Variants in TTC29 observed in about 807,000 individuals in gnomAD.
The protein encoded by TTC29 is tetratricopeptide repeat domain 29.
Under a neutral mutation model 58.1 loss-of-function variants are expected in TTC29, and 49 were observed. That is an observed-to-expected ratio of 0.84 (90% confidence interval 0.67 to 1.07). TTC29 has a LOEUF of 1.07. Among genes scored for constraint, TTC29 ranks in the 50% least tolerant of loss-of-function variants. The probability of loss-of-function intolerance (pLI) is 0.00; values close to 1 mark genes in which losing one functional copy is unlikely to be tolerated. For missense variants in TTC29, 582 were observed against 555.6 expected (o/e 1.05, Z -0.48); for synonymous variants, 209 against 196.8 (o/e 1.06, Z -0.52).
intron 9 of TTC29, among the ~76,000 whole-genome samples, 159 bp from the exon 10 acceptor site, chr4:146,820,407 T>C (rs1372286775): frequency 2.0e-5 from 3 of 152,194 alleles, no homozygotes; most frequent in Admixed American, 6.5e-5. Context: ...GGCTTGTTTT[T>C]CTTGGAGCAC....
rs1411134190 is a variant in TTC29 at position 146,820,209 on chromosome 4, T to C, written c.1017A>G (p.Lys339=). 1.2e-6 allele frequency: 2 copies of C among 1,612,814 alleles called. No individual in the cohort carries two copies. The highest frequency in any genetic ancestry group is 2.7e-5 in the African/African-American group (2 of 74,918). ...AATTGTTTCTTGCAATTTTCACAAA[T>C]TTTTTCAAGTATTTAATTGCTTCTG... ...EMTEAIKYLK[K]FVKIARNNFQ... Residue 339 remains lysine (K), a synonymous_variant, in exon 10 of 13, where the codon AAA becomes AAG. Transcript: ENST00000325106.
intron 11 of TTC29, among the ~76,000 whole-genome samples, chr4:146,750,456 G>T (rs1487104181): frequency 6.6e-6 from 1 of 152,118 alleles, no homozygotes; most frequent in African/African-American, 2.4e-5. Flanking sequence ...TGTAATGGTG[G>T]TATGTTAATC....
chr4:146,733,646 T>G (rs1239889833), intron 11 of TTC29, among the ~76,000 whole-genome samples: 1 of 152,176 alleles, frequency 6.6e-6, no homozygotes, highest in Non-Finnish European at 1.5e-5. Flanking sequence ...GCTTTCATCT[T>G]AAGGATGACA....
intron 11 of TTC29, among the ~76,000 whole-genome samples, chr4:146,778,224 C>CTTTA (rs962526132): frequency 6.6e-6 from 1 of 151,914 alleles, no homozygotes; most frequent in Non-Finnish European, 1.5e-5. Flanking sequence ...AATTCATATA[C>CTTTA]TTTATTTATT....
At chr4:146,908,887 A>G in intron 5 of TTC29, 139 bp downstream of exon 5, 1 of 731,070 alleles carries the variant, frequency 1.4e-6, no homozygotes, top group Non-Finnish European at 2.2e-6. Context: ...TAATTCCATA[A>G]AGACGTTTAA....
intron 10 of TTC29, among the ~76,000 whole-genome samples, chr4:146,813,795 C>T (rs1335781718): frequency 6.6e-6 from 1 of 152,102 alleles, no homozygotes; most frequent in Non-Finnish European, 1.5e-5. Context: ...ACGAACCTGG[C>T]CAACATGGTG....
intron 5 of TTC29, among the ~76,000 whole-genome samples, chr4:146,905,722 G>A (rs918380060): frequency 1.3e-5 from 2 of 152,042 alleles, no homozygotes; most frequent in East Asian, 1.9e-4. Context: ...TTAAAAAGAA[G>A]ATTCTACAAT....
intron 11 of TTC29, among the ~76,000 whole-genome samples, chr4:146,768,327 CTAAAT>C (rs1321256962): frequency 6.6e-6 from 1 of 151,870 alleles, no homozygotes; most frequent in Non-Finnish European, 1.5e-5. Flanking sequence ...TCCCCATCAG[CTAAAT>C]TAACTCCAAC....
chr4:146,720,225 T>C (rs1743258960), intron 11 of TTC29, among the ~76,000 whole-genome samples: 1 of 152,130 alleles, frequency 6.6e-6, no homozygotes, highest in African/African-American at 2.4e-5. Flanking sequence ...TTAGTAAGAC[T>C]CTAAGATGTA....
chr4:146,903,233 C>T (rs1733273588), intron 6 of TTC29, among the ~76,000 whole-genome samples: 1 of 151,554 alleles, frequency 6.6e-6, no homozygotes, highest in African/African-American at 2.4e-5. Context: ...AAAAGTATAC[C>T]TTTCATTCTT....
intron 10 of TTC29, among the ~76,000 whole-genome samples, chr4:146,816,923 C>A (rs1382620389): frequency 6.6e-6 from 1 of 152,026 alleles, no homozygotes; most frequent in Non-Finnish European, 1.5e-5. Context: ...GGTTTGAATA[C>A]CATTGCCACC....
At chr4:146,942,819 G>C in intron 2 of TTC29, 1 of 478,332 alleles carries the variant, frequency 2.1e-6, no homozygotes, top group East Asian at 3.1e-5. Flanking sequence ...GGGCACTGGG[G>C]CCAGGGTAAT....
At chr4:146,870,310 T>C (rs1382659623) in intron 7 of TTC29, among the ~76,000 whole-genome samples, 1 of 151,964 alleles carries the variant, frequency 6.6e-6, no homozygotes, top group African/African-American at 2.4e-5. Flanking sequence ...CTGAGATGGA[T>C]GAAAATGAAA....
chr4:146,857,635 G>A (rs1729958826), intron 8 of TTC29, among the ~76,000 whole-genome samples: 1 of 152,028 alleles, frequency 6.6e-6, no homozygotes, highest in Admixed American at 6.6e-5. Flanking sequence ...CTGGGAGAAG[G>A]GGCCATGATT....
At chr4:146,923,300 A>G (rs950849458) in intron 4 of TTC29, among the ~76,000 whole-genome samples, 1 of 151,780 alleles carries the variant, frequency 6.6e-6, no homozygotes, top group Admixed American at 6.6e-5. Flanking sequence ...GCTCAATATC[A>G]TTATTATTTA....
At chr4:146,941,565 C>A (rs1736392834) in intron 2 of TTC29, among the ~76,000 whole-genome samples, 1 of 152,138 alleles carries the variant, frequency 6.6e-6, no homozygotes, top group East Asian at 1.9e-4. Context: ...CAAAGCAGAG[C>A]ACTAGAAACT....
intron 11 of TTC29, among the ~76,000 whole-genome samples, chr4:146,785,498 G>A (rs1330069704): frequency 6.6e-6 from 1 of 152,164 alleles, no homozygotes; most frequent in African/African-American, 2.4e-5. Flanking sequence ...TGCTGTAATT[G>A]TTAATACATT....
intron 11 of TTC29, among the ~76,000 whole-genome samples, chr4:146,740,406 G>A (rs1406268022): frequency 6.6e-6 from 1 of 152,026 alleles, no homozygotes; most frequent in East Asian, 1.9e-4. Context: ...AACAGGGAAT[G>A]GGTTGAAAAT....
rs1032603920 is a variant in TTC29, at chr4:146,777,452, T to G, written c.1330+26005A>C. ...TTTTATTTGTGTGTTCTGGACACAT[T>G]TATTAGACAAAAATGTCTATGTTCT... On this transcript the variant is annotated intron_variant, in intron 11 of 12. Coordinates refer to ENST00000325106, the MANE Select transcript of TTC29 (RefSeq NM_031956.4). Among the ~76,000 whole-genome samples the G allele has an allele frequency of 7.2e-5, 11 of 152,256 alleles. No individual in the cohort carries two copies. In the South Asian group the frequency reaches 2.1e-3, roughly 29 times the overall value.
Sources: allele counts gnomAD v4.1 joint callset (sites outside exome capture counted in the v4.1 genomes callset), GRCh38; gene constraint gnomAD v4.1.1; transcripts MANE v1.5; gene names NCBI Gene and HGNC (gene_info 2026-07-23, HGNC 2026-07-21).